The following GALNT13 variants were observed in gnomAD, a reference collection of about 807,000 sequenced individuals.
GALNT13 encodes polypeptide N-acetylgalactosaminyltransferase 13.
In GALNT13, 28 loss-of-function variants were observed where a neutral mutation model predicts 64.2. The ratio of observed to expected loss-of-function variants is 0.44; its 90% CI spans 0.32 to 0.60. The LOEUF (loss-of-function observed/expected upper bound fraction) is 0.60. Among genes scored for constraint, GALNT13 ranks in the 20% least tolerant of loss-of-function variants. The pLI is 0.05. For synonymous variants in GALNT13, 214 were observed against 224.6 expected (o/e 0.95, Z 0.42); for missense variants, 577 against 669.8 (o/e 0.86, Z 1.53).
chr2:153,138,599 A>C, the GALNT13 span, among the ~76,000 whole-genome samples: 1 of 152,092 alleles, frequency 6.6e-6, no homozygotes, highest in African/African-American at 2.4e-5. Flanking sequence ...CACCAAAAGC[A>C]TCTAATCAAG....
At chr2:154,228,544 T>C (rs1688749211) in intron 4 of GALNT13, among the ~76,000 whole-genome samples, 1 of 152,172 alleles carries the variant, frequency 6.6e-6, no homozygotes, top group Non-Finnish European at 1.5e-5. Flanking sequence ...AGAGGTTTGC[T>C]GTAGGACCTG....
intron 8 of GALNT13, among the ~76,000 whole-genome samples, chr2:154,275,310 T>C (rs1395711705): frequency 6.6e-6 from 1 of 151,738 alleles, no homozygotes; most frequent in East Asian, 2.0e-4. Context: ...CAGCAGCCCT[T>C]CCCATCACAG....
At chr2:153,344,651 TG>T in the GALNT13 span, among the ~76,000 whole-genome samples, 2 of 152,192 alleles carry the variant, frequency 1.3e-5, no homozygotes, top group Non-Finnish European at 2.9e-5. Context: ...TTATACAGGA[TG>T]GATAAGCTAT....
chr2:154,164,986 T>G (rs1208861419), intron 4 of GALNT13, among the ~76,000 whole-genome samples: 1 of 152,092 alleles, frequency 6.6e-6, no homozygotes, highest in African/African-American at 2.4e-5. Context: ...ACGATATCTT[T>G]AATACGTTAA....
chr2:153,411,382 G>A, the GALNT13 span, among the ~76,000 whole-genome samples: 1 of 152,014 alleles, frequency 6.6e-6, no homozygotes, highest in Admixed American at 6.6e-5. Flanking sequence ...GGAAGCTCAG[G>A]GTACTGTGGG....
intron 3 of GALNT13, among the ~76,000 whole-genome samples, chr2:154,035,634 T>C (rs1698616582): frequency 6.6e-6 from 1 of 152,084 alleles, no homozygotes. Context: ...CAGAAATATT[T>C]TCATCACTTT....
chr2:153,181,833 T>C, the GALNT13 span, among the ~76,000 whole-genome samples: 5 of 146,036 alleles, frequency 3.4e-5, no homozygotes, highest in African/African-American at 1.2e-4. Context: ...TAATATAACA[T>C]AATTTATATA....
At chr2:153,133,216 C>T in the GALNT13 span, among the ~76,000 whole-genome samples, 11 of 151,946 alleles carry the variant, frequency 7.2e-5, no homozygotes, top group South Asian at 2.1e-4. Flanking sequence ...CTGATTTGAC[C>T]GTGGAGATTA....
the GALNT13 span, among the ~76,000 whole-genome samples, chr2:153,730,127 A>G: frequency 6.6e-6 from 1 of 151,964 alleles, no homozygotes; most frequent in South Asian, 2.1e-4. Context: ...AAAAGTCTGA[A>G]TCATCAAAAC....
At chr2:154,375,210 G>A (rs527713132) in intron 9 of GALNT13, among the ~76,000 whole-genome samples, 4 of 93,664 alleles carry the variant, frequency 4.3e-5, no homozygotes, top group East Asian at 3.2e-4. Flanking sequence ...GGATGATCTC[G>A]ATCTACTGAC....
At chr2:153,433,765 C>G in the GALNT13 span, among the ~76,000 whole-genome samples, 2 of 152,048 alleles carry the variant, frequency 1.3e-5, no homozygotes, top group African/African-American at 4.8e-5. Flanking sequence ...ATCATTAAAT[C>G]CGAACATATA....
chr2:154,373,979 A>G (rs2105316848), intron 9 of GALNT13, among the ~76,000 whole-genome samples: 1 of 152,312 alleles, frequency 6.6e-6, no homozygotes, highest in East Asian at 1.9e-4. Context: ...AATTTGCTAC[A>G]ACTCCTCAAA....
chr2:153,997,213 A>G (rs1695579565), intron 3 of GALNT13, among the ~76,000 whole-genome samples: 1 of 152,120 alleles, frequency 6.6e-6, no homozygotes, highest in Non-Finnish European at 1.5e-5. Context: ...AATGAATGCC[A>G]TTGGTGTTTT....
At chr2:153,554,966 G>A in the GALNT13 span, among the ~76,000 whole-genome samples, 1 of 151,958 alleles carries the variant, frequency 6.6e-6, no homozygotes, top group East Asian at 1.9e-4. Context: ...ATAGAGATTG[G>A]TCTGTATCCC....
At chr2:154,296,816 A>C (rs925838948) in intron 8 of GALNT13, among the ~76,000 whole-genome samples, 8 of 152,068 alleles carry the variant, frequency 5.3e-5, no homozygotes, top group African/African-American at 1.9e-4. Context: ...ACATGTGCAG[A>C]ATGTGTAGGT....
chr2:153,626,711 A>C, the GALNT13 span, among the ~76,000 whole-genome samples: 1 of 152,130 alleles, frequency 6.6e-6, no homozygotes, highest in African/African-American at 2.4e-5. Flanking sequence ...TCTGCAAGCC[A>C]GTTTCAGCAT....
At chr2:153,619,038 A>C in the GALNT13 span, among the ~76,000 whole-genome samples, 5 of 151,894 alleles carry the variant, frequency 3.3e-5, no homozygotes, top group Non-Finnish European at 5.9e-5. Flanking sequence ...TTATTGGTAA[A>C]TATGGAGTTA....
At chr2:153,478,813 G>C in the GALNT13 span, 15 of 447,986 alleles carry the variant, frequency 3.3e-5, no homozygotes, top group South Asian at 5.6e-5. Flanking sequence ...GCTCGCTCGA[G>C]GGGGGGCTGT....
intron 4 of GALNT13, among the ~76,000 whole-genome samples, chr2:154,220,454 A>T (rs1160090886): frequency 6.6e-6 from 1 of 152,082 alleles, no homozygotes; most frequent in Non-Finnish European, 1.5e-5. Flanking sequence ...GCAATTCTAA[A>T]GTCATGTTCT....
Sources: allele counts gnomAD v4.1 joint callset (sites outside exome capture counted in the v4.1 genomes callset), GRCh38; gene constraint gnomAD v4.1.1; transcripts MANE v1.5; gene names NCBI Gene and HGNC (gene_info 2026-07-23, HGNC 2026-07-21).